Variants in GRM1 observed in about 807,000 individuals in gnomAD.
GRM1 encodes the protein glutamate metabotropic receptor 1.
Under a neutral mutation model 90.9 loss-of-function variants are expected in GRM1, and 33 were observed. The observed-to-expected ratio is 0.36, with a 90% CI of 0.28 to 0.49. GRM1 has a LOEUF of 0.49. GRM1 is among the 20% of genes least tolerant of loss of function. The pLI, the probability that GRM1 is intolerant of heterozygous loss-of-function variation, is 0.99. For synonymous variants in GRM1, 700 were observed against 613.2 expected, an observed-to-expected ratio of 1.14 and a Z score of -2.09; for missense variants, 1,190 against 1,534.3, an observed-to-expected ratio of 0.78 and a Z score of 3.75.
intron 7 of GRM1, among the ~76,000 whole-genome samples, chr6:146,413,536 G>C (rs2206954): frequency 0.013 from 1,941 of 152,078 alleles, 47 homozygotes; most frequent in African/African-American, 0.045. Context: ...CACATTTTCT[G>C]TAATCCTTTT....
chr6:146,127,629 C>T (rs1291813883), intron 1 of GRM1, among the ~76,000 whole-genome samples: 1 of 152,152 alleles, frequency 6.6e-6, no homozygotes, highest in African/African-American at 2.4e-5. Context: ...GACAACTTTC[C>T]ATCTTCTAAA....
intron 2 of GRM1, among the ~76,000 whole-genome samples, chr6:146,186,165 A>G (rs1213830369): frequency 1.4e-5 from 2 of 146,674 alleles, no homozygotes; most frequent in Non-Finnish European, 3.0e-5. Context: ...TTTAGTAGTG[A>G]CGGGGTTTCA....
intron 3 of GRM1, among the ~76,000 whole-genome samples, chr6:146,339,834 C>T (rs961003379): frequency 2.6e-5 from 4 of 152,318 alleles, no homozygotes; most frequent in African/African-American, 9.6e-5. Flanking sequence ...CCCTTAACAT[C>T]ATAAGCTACG....
intron 7 of GRM1, among the ~76,000 whole-genome samples, chr6:146,420,030 C>T (rs1397156894): frequency 2.0e-5 from 3 of 152,164 alleles, no homozygotes; most frequent in Non-Finnish European, 2.9e-5. Context: ...GCCAGAGAGG[C>T]TTCACCACAG....
chr6:146,371,305 T>C (rs572996020), intron 5 of GRM1, among the ~76,000 whole-genome samples: 6 of 152,090 alleles, frequency 3.9e-5, no homozygotes, highest in Admixed American at 6.6e-5. Flanking sequence ...TCTCCCACAG[T>C]TCTTTTTACT....
chr6:146,398,769 G>GAAAAT lies in GRM1; in HGVS notation c.1730_1731insAAAAT (p.Cys578LysfsTer20). 1.2e-6 allele frequency: 2 copies of GAAAAT among 1,604,956 alleles called. No homozygotes were observed. The highest frequency in any genetic ancestry group is 1.7e-6 in the Non-Finnish European group (2 of 1,171,722). On this transcript the variant is annotated frameshift_variant and splice_region_variant, in exon 7 of 8. Transcript: ENST00000282753. LOFTEE classifies it high-confidence loss of function. ...GCTCAAATGATTTTTCTCATCACAGGCTGTGAGCCCATTCCTGTGCGCTAT... is the reference window on the plus strand; with the variant it reads ...GCTCAAATGATTTTTCTCATCACAGGAAAATCTGTGAGCCCATTCCTGTGCGCTAT...
intron 2 of GRM1, among the ~76,000 whole-genome samples, chr6:146,174,242 T>G (rs1017401270): frequency 6.6e-6 from 1 of 152,202 alleles, no homozygotes; most frequent in African/African-American, 2.4e-5. Flanking sequence ...GGCATTTTTT[T>G]TTCCAAAAGG....
intron 3 of GRM1, among the ~76,000 whole-genome samples, chr6:146,309,806 T>C (rs138510616): frequency 4.6e-5 from 7 of 152,304 alleles, no homozygotes; most frequent in African/African-American, 7.2e-5. Context: ...TAATTATTAG[T>C]AATAACTTGA....
At chr6:146,149,396 G>C (rs756552671) in intron 1 of GRM1, among the ~76,000 whole-genome samples, 4 of 152,168 alleles carry the variant, frequency 2.6e-5, no homozygotes. Flanking sequence ...TAAAGCTACT[G>C]GGTCAGTGCT....
intron 5 of GRM1, among the ~76,000 whole-genome samples, chr6:146,358,237 G>A (rs1257309995): frequency 6.8e-6 from 1 of 147,690 alleles, no homozygotes. Context: ...CTATTTGGAG[G>A]GTGGGTGGGG....
At chr6:146,419,759 A>G (rs1252578258) in intron 7 of GRM1, among the ~76,000 whole-genome samples, 1 of 152,156 alleles carries the variant, frequency 6.6e-6, no homozygotes, top group East Asian at 1.9e-4. Flanking sequence ...ACCTTCAAAC[A>G]ACCAGATCTC....
intron 3 of GRM1, among the ~76,000 whole-genome samples, chr6:146,346,168 A>G (rs1785184272): frequency 6.6e-6 from 1 of 152,228 alleles, no homozygotes; most frequent in South Asian, 2.1e-4. Flanking sequence ...GTATTTTCAG[A>G]GAATCAAGAT....
intron 1 of GRM1, among the ~76,000 whole-genome samples, chr6:146,072,206 T>C (rs1776038028): frequency 6.6e-6 from 1 of 152,208 alleles, no homozygotes; most frequent in Admixed American, 6.5e-5. Flanking sequence ...CCCTGAGCCC[T>C]GGTATACATT....
At chr6:146,395,939 A>G (rs929910212) in intron 6 of GRM1, among the ~76,000 whole-genome samples, 4 of 152,148 alleles carry the variant, frequency 2.6e-5, no homozygotes, top group African/African-American at 4.8e-5. Flanking sequence ...GAAACTGACA[A>G]TTCACTGTGG....
At chr6:146,151,194 G>A (rs1777322235) in intron 1 of GRM1, among the ~76,000 whole-genome samples, 1 of 152,054 alleles carries the variant, frequency 6.6e-6, no homozygotes, top group Non-Finnish European at 1.5e-5. Flanking sequence ...AAATAACCCA[G>A]GAATTAAGAG....
chr6:146,354,572 T>G (rs1391200152), intron 4 of GRM1, among the ~76,000 whole-genome samples: 2 of 152,160 alleles, frequency 1.3e-5, no homozygotes. Context: ...GGTCTTTTCT[T>G]AGGGATCATA....
chr6:146,213,731 G>T, intron 2 of GRM1, among the ~76,000 whole-genome samples: 1 of 151,764 alleles, frequency 6.6e-6, no homozygotes, highest in East Asian at 1.9e-4. Flanking sequence ...TAGATAGATA[G>T]ATAGATGGAT....
chr6:146,073,825 T>G (rs563815971), intron 1 of GRM1, among the ~76,000 whole-genome samples: 24 of 152,274 alleles, frequency 1.6e-4, no homozygotes, highest in Non-Finnish European at 3.1e-4. Flanking sequence ...AATTCTGGAA[T>G]TGCATTGTGA....
rs114908142 is a variant in GRM1 at position 146,406,182 on chromosome 6, C to T, written c.2660+6483C>T. 7.2e-3 allele frequency among the ~76,000 whole-genome samples: 1,092 copies of T among 152,108 alleles called. 13 individuals carry two copies. Among genetic ancestry groups the T allele is most frequent in the African/African-American group, 0.025 (1,034 of 41,490 alleles). On this transcript the variant is annotated intron_variant, in intron 7 of 7. Transcript: ENST00000282753. ...TCTGGTGTGTGCCGGGAGGCCTGGC[C>T]GAGAGCTAGGCTGTTAGCAGAGCCA... is the stretch of plus-strand genomic sequence containing the variant.
Sources: gnomAD v4.1 joint callset for allele counts (sites outside exome capture counted in the v4.1 genomes callset) on GRCh38, gnomAD v4.1.1 for gene constraint, MANE v1.5 for transcripts, NCBI Gene and HGNC (gene_info 2026-07-23, HGNC 2026-07-21) for gene names.